The following FBN3 variants were observed in gnomAD, a reference collection of about 807,000 sequenced individuals.
The protein encoded by FBN3 is fibrillin-3.
In FBN3, 234 loss-of-function variants were observed where a neutral mutation model predicts 330.1. The observed-to-expected ratio is 0.71, with a 90% confidence interval of 0.64 to 0.79. The LOEUF is 0.79. Ranked by LOEUF, FBN3 falls within the 30% of genes least tolerant of loss-of-function variation. The pLI is 0.00. For synonymous variants in FBN3, 1,458 were observed against 1,517.3 expected (o/e 0.96, Z 0.91); for missense variants, 3,606 against 3,886.9 (o/e 0.93, Z 1.92).
At chr19:8,124,152 C>T in intron 22 of FBN3, 144 bp from the exon 23 acceptor site, 2 of 683,254 alleles carry the variant, frequency 2.9e-6, no homozygotes, top group Non-Finnish European at 5.3e-6. Context: ...GTGACTTCCT[C>T]CAGGCACTGT....
At position 8,083,367 on chromosome 19, in the gene FBN3, C is replaced by T. The variant is rs1450292127; in HGVS notation, c.7093G>A (p.Asp2365Asn). 6.2e-7 allele frequency: 1 copy of T among 1,613,984 alleles called. No individual in the cohort carries two copies. The highest frequency in any genetic ancestry group is 8.5e-7 in the Non-Finnish European group (1 of 1,180,020). The part of the protein sequence containing the change: ...SGYTAEGRDV[D>N]ECRMLAHLCA... ...AGGTGAGCAAGCATACGGCATTCAT[C>T]TACATCTGGGAAAAAGTAGGGTGCA... The change falls in exon 57 of 64, where the codon GAT (aspartate) becomes AAT (asparagine). Residue 2365 changes from aspartate to asparagine, a missense_variant. Asp to Asn is a conservative substitution (Grantham distance 23). Coordinates refer to ENST00000600128, the MANE Select transcript of FBN3 (RefSeq NM_032447.5).
At chr19:8,122,620 G>C (rs113833567) in intron 24 of FBN3, among the ~76,000 whole-genome samples, 137 of 151,420 alleles carry the variant, frequency 9.0e-4, no homozygotes, top group African/African-American at 3.2e-3. Flanking sequence ...ATCTGCCTTG[G>C]CCTCCCAAAG....
rs751254712 is a variant in FBN3, at chr19:8,103,632, G to A, written c.4869C>T (p.Asn1623=). The A allele has an allele frequency of 6.2e-7, 1 of 1,613,648 alleles. No individual in the cohort carries two copies. Among genetic ancestry groups the A allele is most frequent in the Non-Finnish European group, 8.5e-7 (1 of 1,179,666 alleles). Residue 1623 remains asparagine, a synonymous_variant, in exon 39 of 64, where the codon AAC becomes AAT. Transcript: ENST00000600128. ...AGACACAGGTGTAGTTCCCCAGGGT[G>A]TTGTAGCAGGTGCCAGGGCCACAGA... is the stretch of plus-strand genomic sequence containing the variant. ...SGICGPGTCY[N]TLGNYTCVCP...
intron 51 of FBN3, among the ~76,000 whole-genome samples, chr19:8,088,788 G>C (rs1305771415): frequency 6.6e-6 from 1 of 152,188 alleles, no homozygotes; most frequent in Non-Finnish European, 1.5e-5. Context: ...AATGAGCAAG[G>C]AGACAAATGA....
At chr19:8,103,283 A>AAAG (rs1390415758) in intron 39 of FBN3, among the ~76,000 whole-genome samples, 1 of 151,152 alleles carries the variant, frequency 6.6e-6, no homozygotes, top group Non-Finnish European at 1.5e-5. Flanking sequence ...AAAAAAAAAA[A>AAAG]AAGATTACTG....
chr19:8,093,948 C>T (rs541993865), intron 47 of FBN3, among the ~76,000 whole-genome samples: 4 of 152,148 alleles, frequency 2.6e-5, no homozygotes, highest in Non-Finnish European at 5.9e-5. Context: ...CTGCTCAAGC[C>T]AGACTGGTCC....
chr19:8,099,418 C>T (rs1056612056), intron 41 of FBN3, among the ~76,000 whole-genome samples: 28 of 150,506 alleles, frequency 1.9e-4, no homozygotes, highest in African/African-American at 6.8e-4. Context: ...GTAGCTGGGA[C>T]TACAGGCGCC....
intron 5 of FBN3, 103 bp downstream of exon 5, chr19:8,145,740 A>G (rs1485360422): frequency 6.3e-6 from 5 of 793,460 alleles, no homozygotes; most frequent in Admixed American, 2.7e-5. Context: ...TCTCCAGTCC[A>G]GGAAGAAGGA....
chr19:8,066,596 G>A (rs1346266825), intron 63 of FBN3, among the ~76,000 whole-genome samples: 2 of 152,050 alleles, frequency 1.3e-5, no homozygotes, highest in Non-Finnish European at 2.9e-5. Context: ...ACAAGAGTTG[G>A]GAGGCCGGGC....
At position 8,117,147 on chromosome 19, in the gene FBN3, GGAA is replaced by G; in HGVS notation, c.3586+19_3586+21del. ...TCCTCACCCTCCACACCAGGCAGTG[GGAA>G]GAAGTTGTGCCCACCTACCTGCACA... On this transcript the variant is annotated intron_variant, in intron 28 of 63. Coordinates refer to ENST00000600128, the MANE Select transcript of FBN3 (RefSeq NM_032447.5). 2 of 1,613,650 alleles carry G rather than the reference GGAA, an allele frequency of 1.2e-6. No homozygotes were observed. Among genetic ancestry groups the G allele is most frequent in the Non-Finnish European group, 1.7e-6 (2 of 1,179,766 alleles).
At chr19:8,111,477 G>A (rs8111335) in intron 32 of FBN3, among the ~76,000 whole-genome samples, 171 bp downstream of exon 32, 21,098 of 152,034 alleles carry the variant, frequency 0.14, 1,751 homozygotes, top group African/African-American at 0.23. Flanking sequence ...CAAGGGAGCC[G>A]TGGGCAGGCC....
At position 8,100,393 on chromosome 19, in the gene FBN3, A is replaced by G. The variant is rs953089051; in HGVS notation, c.5161+508T>C. 2.6e-5 allele frequency among the ~76,000 whole-genome samples: 4 copies of G among 151,976 alleles called. No individual in the cohort carries two copies. The East Asian group carries it at 7.7e-4, about 29-fold the overall frequency. On this transcript the variant is annotated intron_variant, in intron 41 of 63. Coordinates refer to ENST00000600128, the MANE Select transcript of FBN3 (RefSeq NM_032447.5). ...TACTCTATCCCTCAGGCTGGAGTGC[A>G]ATGGCGAGATATCGGCTCACTGCAA...
At chr19:8,122,044 T>C (rs1266630041) in intron 24 of FBN3, among the ~76,000 whole-genome samples, 2 of 152,076 alleles carry the variant, frequency 1.3e-5, no homozygotes, top group Non-Finnish European at 2.9e-5. Context: ...CCACTGAGCC[T>C]GGCCTGTTTG....
At chr19:8,097,650 C>T (rs532077310) in intron 41 of FBN3, among the ~76,000 whole-genome samples, 9 of 152,332 alleles carry the variant, frequency 5.9e-5, no homozygotes, top group Admixed American at 3.9e-4. Flanking sequence ...ATTAAAAATA[C>T]ACACTTCCTG....
Position 8,121,651 on chromosome 19 carries a change from G to A in FBN3, c.3083-265C>T, listed in dbSNP as rs1694309705. On this transcript the variant is annotated intron_variant, in intron 24 of 63. Coordinates refer to ENST00000600128, the MANE Select transcript of FBN3 (RefSeq NM_032447.5). This position sits in a 1 kb window ranked among gnomAD's most constrained non-coding sequence, Gnocchi z 4.5. ...AGGAACCCCAAACTAAACATGACAA[G>A]GGCAGGCAGTTTTCTCACAGACGGG... is the stretch of plus-strand genomic sequence containing the variant. Among the ~76,000 whole-genome samples the A allele has an allele frequency of 2.0e-5, 3 of 152,280 alleles. No individual in the cohort carries two copies. The highest frequency in any genetic ancestry group is 4.1e-4 in the South Asian group (2 of 4,820).
chr19:8,071,032 A>G (rs1168769733), intron 63 of FBN3, among the ~76,000 whole-genome samples: 3 of 151,752 alleles, frequency 2.0e-5, no homozygotes, highest in East Asian at 3.9e-4. Context: ...CAAAAAAAAA[A>G]AAAAAAAATA....
At chr19:8,110,720 C>A in intron 34 of FBN3, 125 bp downstream of exon 34, 3 of 1,302,974 alleles carry the variant, frequency 2.3e-6, no homozygotes, top group East Asian at 4.7e-5. Flanking sequence ...GCGCCCCCCA[C>A]CCCCCAGCAA....
intron 30 of FBN3, among the ~76,000 whole-genome samples, chr19:8,114,731 A>G (rs146608060): frequency 6.6e-6 from 1 of 150,460 alleles, no homozygotes; most frequent in African/African-American, 2.4e-5. Context: ...CAGGCGGAGA[A>G]TCATTTTACT....
At position 8,131,198 on chromosome 19, in the gene FBN3, G is replaced by C. The variant is rs368636865; in HGVS notation, c.2044+37C>G. 12 of 1,591,218 alleles carry C rather than the reference G, an allele frequency of 7.5e-6. No individual in the cohort carries two copies. The African/African-American group carries it at 1.6e-4, about 21-fold the overall frequency. ...GCTCTCCCCACATCTGGTAGGGGCAGGCTGGCTGCTGTTTGGAGGGGCTGG... is the reference window on the plus strand; with the variant it reads ...GCTCTCCCCACATCTGGTAGGGGCACGCTGGCTGCTGTTTGGAGGGGCTGG... On this transcript the variant is annotated intron_variant, in intron 16 of 63. Transcript: ENST00000600128. This position sits in a 1 kb window ranked among gnomAD's most constrained non-coding sequence, Gnocchi z 4.5.
Sources: gnomAD v4.1 joint callset for allele counts (sites outside exome capture counted in the v4.1 genomes callset) on GRCh38, gnomAD v4.1.1 for gene constraint, Gnocchi (gnomAD v3.1) non-coding constraint, MANE v1.5 for transcripts, NCBI Gene and HGNC (gene_info 2026-07-23, HGNC 2026-07-21) for gene names.